The following SIPA1L3 variants were observed in gnomAD, a reference collection of about 807,000 sequenced individuals.
SIPA1L3 encodes signal-induced proliferation-associated 1-like protein 3.
SIPA1L3 carries 59 observed loss-of-function variants against 150.1 expected under a neutral mutation model. The ratio of observed to expected loss-of-function variants is 0.39; its 90% CI spans 0.32 to 0.49. SIPA1L3 has a LOEUF of 0.49. Among genes scored for constraint, SIPA1L3 ranks in the 20% least tolerant of loss-of-function variants. SIPA1L3 has a pLI of 0.86. For missense variants in SIPA1L3, 2,211 were observed against 2,489.5 expected (o/e 0.89, Z 2.38); for synonymous variants, 1,070 against 1,077.6 (o/e 0.99, Z 0.14).
At chr19:37,922,104 AG>A (rs2046461884) in intron 1 of SIPA1L3, among the ~76,000 whole-genome samples, 2 of 151,782 alleles carry the variant, frequency 1.3e-5, no homozygotes, top group African/African-American at 4.8e-5. Context: ...TTATTTTTTG[AG>A]ATTGAGTTTC....
At chr19:38,132,096 G>C (rs1182774480) in intron 10 of SIPA1L3, among the ~76,000 whole-genome samples, 7 of 147,276 alleles carry the variant, frequency 4.8e-5, no homozygotes, top group East Asian at 2.0e-4. Context: ...GCCTAAAGGA[G>C]AAAAAAAAAA....
intron 3 of SIPA1L3, among the ~76,000 whole-genome samples, chr19:38,085,657 C>T (rs532519558): frequency 2.0e-5 from 3 of 152,264 alleles, no homozygotes; most frequent in South Asian, 4.2e-4. Flanking sequence ...TGTGAACCTT[C>T]GTATACCTGG....
intron 6 of SIPA1L3, among the ~76,000 whole-genome samples, chr19:38,105,654 G>A (rs183650314): frequency 3.0e-4 from 45 of 152,324 alleles, no homozygotes; most frequent in Non-Finnish European, 5.4e-4. Flanking sequence ...GCTTTTGCAT[G>A]TCACATGAAT....
chr19:38,183,936 G>C (rs1401501886), intron 16 of SIPA1L3, among the ~76,000 whole-genome samples: 1 of 152,204 alleles, frequency 6.6e-6, no homozygotes, highest in Non-Finnish European at 1.5e-5. Flanking sequence ...GGAGGGTTCA[G>C]GAGAAAAGGG....
chr19:38,094,725 G>A (rs764046048), intron 4 of SIPA1L3, among the ~76,000 whole-genome samples: 4 of 152,092 alleles, frequency 2.6e-5, no homozygotes, highest in Admixed American at 6.6e-5. Context: ...TTGAGCCCAG[G>A]AATTTGAGAC....
intron 6 of SIPA1L3, 94 bp downstream of exon 6, chr19:38,101,320 C>T (rs1459690673): frequency 8.9e-6 from 8 of 903,124 alleles, no homozygotes; most frequent in African/African-American, 6.9e-5. Flanking sequence ...ACGGTGGGGA[C>T]GTGGAGCAGT....
At chr19:38,130,821 C>A in intron 10 of SIPA1L3, 49 bp downstream of exon 10, 1 of 1,556,376 alleles carries the variant, frequency 6.4e-7, no homozygotes, top group South Asian at 1.2e-5. Flanking sequence ...GCTCCCAGAT[C>A]GCTGGCATGA....
At chr19:38,157,553 G>A (rs1332213388) in intron 13 of SIPA1L3, among the ~76,000 whole-genome samples, 2 of 152,182 alleles carry the variant, frequency 1.3e-5, no homozygotes. Flanking sequence ...CCCAGGTTGG[G>A]AGGGTTGCCT....
At chr19:38,066,852 AT>A (rs1216049525) in intron 2 of SIPA1L3, among the ~76,000 whole-genome samples, 1 of 151,752 alleles carries the variant, frequency 6.6e-6, no homozygotes, top group African/African-American at 2.4e-5. Context: ...AAATAATAAA[AT>A]AAATAGAATG....
chr19:38,171,385 C>CTTTTTTTTTT (rs1055077464), intron 15 of SIPA1L3, among the ~76,000 whole-genome samples: 2 of 77,884 alleles, frequency 2.6e-5, no homozygotes, highest in Non-Finnish European at 4.7e-5. Context: ...CCTACCAAAA[C>CTTTTTTTTTT]TTTTTTTTTT....
In SIPA1L3 at chr19:38,205,542, T is replaced by C. The variant is rs193276793; in HGVS notation, c.5203-555T>C. Among the ~76,000 whole-genome samples the C allele has an allele frequency of 5.6e-3, 843 of 151,436 alleles. 7 individuals carry two copies. Among genetic ancestry groups the C allele is most frequent in the South Asian group, 0.011 (54 of 4,790 alleles). On this transcript the variant is annotated intron_variant, in intron 21 of 21. Transcript: ENST00000222345. ...TAAAAGCCAGAAAGGTGGCAGAGTA[T>C]ATAATGCGTAAGTCTTCGAGCCGTG...
chr19:37,914,374 A>ATTT (rs3049664), intron 1 of SIPA1L3, among the ~76,000 whole-genome samples: 47,486 of 144,318 alleles, frequency 0.33, 9,111 homozygotes, highest in East Asian at 0.69. Flanking sequence ...TACTACTTTA[A>ATTT]TTTTTTTTTT....
rs1049003573 is a variant in SIPA1L3, at chr19:38,162,351, T to C, written c.3760T>C (p.Ser1254Pro). 6.2e-7 allele frequency: 1 copy of C among 1,614,026 alleles called. No homozygotes were observed. The highest frequency in any genetic ancestry group is 1.1e-5 in the South Asian group (1 of 91,078). Residue 1254 changes from serine (S) to proline (P), a missense_variant, in exon 14 of 22, where the codon TCC (serine) becomes CCC (proline). Ser to Pro is a moderately conservative substitution (Grantham distance 74). Transcript: ENST00000222345. Reference sequence around the variant, plus strand: ...CAGGCAGGATGCAGCAGGCAAAGATTCCCCCAACAGGCATTCCAAAGTGAG... The same window carrying C: ...CAGGCAGGATGCAGCAGGCAAAGATCCCCCCAACAGGCATTCCAAAGTGAG... The part of the protein sequence containing the change: ...PSRQDAAGKD[S>P]PNRHSKGEPQ...
At chr19:37,913,060 G>A (rs1214880934) in intron 1 of SIPA1L3, among the ~76,000 whole-genome samples, 1 of 152,110 alleles carries the variant, frequency 6.6e-6, no homozygotes, top group East Asian at 1.9e-4. Flanking sequence ...TTAGGTGGCG[G>A]GCAGACCAAG....
rs920506245 is a variant in SIPA1L3, at chr19:38,141,037, G to A, written c.3144-147G>A. 1.5e-4 allele frequency: 134 copies of A among 876,260 alleles called. 1 individual carries two copies. Among genetic ancestry groups the A allele is most frequent in the Middle Eastern group, 7.4e-4 (2 of 2,692 alleles). 54.3% of individuals were successfully genotyped at this position (876,260 alleles called of 1,614,324 possible). A position where few individuals can be genotyped will look rare whatever the true frequency, so the allele number is the denominator to read the frequency against. On this transcript the variant is annotated intron_variant, in intron 10 of 21. Transcript: ENST00000222345. ...CATGCCGCTGTACTCCAGCCTGGGC[G>A]ACAAAGCAAGACTCTGTCTCAAAAA...
At chr19:38,084,511 A>G (rs1049144851) in intron 3 of SIPA1L3, among the ~76,000 whole-genome samples, 2 of 149,824 alleles carry the variant, frequency 1.3e-5, no homozygotes, top group African/African-American at 4.9e-5. Flanking sequence ...TTTTAGCTAG[A>G]CAAAGTTTTT....
intron 2 of SIPA1L3, among the ~76,000 whole-genome samples, chr19:38,039,506 C>T (rs1968864122): frequency 6.6e-6 from 1 of 151,698 alleles, no homozygotes; most frequent in African/African-American, 2.4e-5. Flanking sequence ...CCAGCCTGGC[C>T]AGCATGGTGA....
chr19:38,122,671 C>T (rs1349464967), intron 9 of SIPA1L3, among the ~76,000 whole-genome samples: 2 of 152,186 alleles, frequency 1.3e-5, no homozygotes, highest in African/African-American at 4.8e-5. Flanking sequence ...TGAACTGGCT[C>T]CCTGTCGACT....
At chr19:38,012,286 A>T (rs1047836320) in intron 1 of SIPA1L3, among the ~76,000 whole-genome samples, 11 of 151,494 alleles carry the variant, frequency 7.3e-5, no homozygotes, top group Admixed American at 2.6e-4. Context: ...GGGTCTCACT[A>T]TGTTGCCCAG....
Sources: gnomAD v4.1 joint callset for allele counts (sites outside exome capture counted in the v4.1 genomes callset) on GRCh38, gnomAD v4.1.1 for gene constraint, MANE v1.5 for transcripts, NCBI Gene and HGNC (gene_info 2026-07-23, HGNC 2026-07-21) for gene names.